The following PTPDC1 variants were observed in gnomAD, a reference collection of about 807,000 sequenced individuals.
The protein encoded by PTPDC1 is protein tyrosine phosphatase domain-containing protein 1.
In PTPDC1, 53 loss-of-function variants were observed where a neutral mutation model predicts 75.3. The observed-to-expected ratio is 0.70, with a 90% CI of 0.56 to 0.88. The LOEUF (loss-of-function observed/expected upper bound fraction) is 0.88, where lower values mean the gene tolerates loss of function less well. PTPDC1 is among the 40% of genes least tolerant of loss of function. The pLI, the probability that PTPDC1 is intolerant of heterozygous loss-of-function variation, is 0.00. For synonymous variants in PTPDC1, 349 were observed against 366.2 expected (o/e 0.95, Z 0.54); for missense variants, 925 against 998.6 (o/e 0.93, Z 0.99).
At position 94,098,120 on chromosome 9, in the gene PTPDC1, G is replaced by A. The variant is rs1827685199; in HGVS notation, c.1554G>A (p.Leu518=). The part of the protein sequence containing the change: ...SFWSQSKFGG[L]EGLKDNGSPI... ...GGAGTCAGTCAAAGTTTGGAGGCCT[G>A]GAAGGACTCAAAGATAATGGGTCAC... Residue 518 remains leucine, a synonymous_variant, in exon 6 of 9, where the codon CTG becomes CTA. Coordinates refer to ENST00000620992, the MANE Select transcript of PTPDC1 (RefSeq NM_001253829.2). 2 of 1,614,186 alleles carry A rather than the reference G, an allele frequency of 1.2e-6. No individual in the cohort carries two copies. The highest frequency in any genetic ancestry group is 2.2e-5 in the East Asian group (1 of 44,886).
intron 2 of PTPDC1, among the ~76,000 whole-genome samples, chr9:94,077,963 A>G (rs888325451): frequency 2.0e-5 from 3 of 152,202 alleles, no homozygotes; most frequent in Admixed American, 6.5e-5. Flanking sequence ...CCAAGACCAA[A>G]TATGTATTTC....
chr9:94,049,323 AT>A (rs1210728544), intron 1 of PTPDC1, among the ~76,000 whole-genome samples: 1 of 152,068 alleles, frequency 6.6e-6, no homozygotes, highest in African/African-American at 2.4e-5. Flanking sequence ...GGTCTTTACA[AT>A]TTGGCATGTT....
chr9:94,037,446 TC>T (rs1587834338), intron 1 of PTPDC1, among the ~76,000 whole-genome samples: 1 of 152,170 alleles, frequency 6.6e-6, no homozygotes, highest in Non-Finnish European at 1.5e-5. Context: ...ATTTTTCCAG[TC>T]TTTTATATGT....
intron 1 of PTPDC1, among the ~76,000 whole-genome samples, chr9:94,040,458 AT>A (rs1210341366): frequency 1.3e-5 from 2 of 152,180 alleles, no homozygotes; most frequent in Non-Finnish European, 2.9e-5. Flanking sequence ...AGCAGATTTA[AT>A]TTAATTCCAG....
rs1828111039 is a variant in PTPDC1 at position 94,108,820 on chromosome 9, G to A, written c.*876G>A. On this transcript the variant is annotated 3_prime_UTR_variant, in exon 9 of 9. Coordinates refer to ENST00000620992, the MANE Select transcript of PTPDC1 (RefSeq NM_001253829.2). ...CTCTGTCCTCCCGGGGACTCCACAG[G>A]GATATTCGTGCAGGGCAGGGGCTCT... The A allele has an allele frequency of 6.6e-6, 1 of 152,256 alleles. No homozygotes were observed. The highest frequency in any genetic ancestry group is 2.4e-5 in the African/African-American group (1 of 41,446). The allele number at this position is 152,256 out of a possible 1,614,324, so 9.4% of individuals were successfully genotyped here.
In PTPDC1 at chr9:94,108,619, T is replaced by G. The variant is rs943962325; in HGVS notation, c.*675T>G. The stretch of plus-strand genomic sequence containing the variant: ...TTGTAGAAAGTAGACTTGCTCTTTG[T>G]CAGATTTCCAAACAACCTTGCCAGC... On this transcript the variant is annotated 3_prime_UTR_variant, in exon 9 of 9. Coordinates refer to ENST00000620992, the MANE Select transcript of PTPDC1 (RefSeq NM_001253829.2). 1 of 152,238 alleles carries G rather than the reference T, an allele frequency of 6.6e-6. No individual in the cohort carries two copies. Among genetic ancestry groups the G allele is most frequent in the African/African-American group, 2.4e-5 (1 of 41,448 alleles). 9.4% of individuals were successfully genotyped at this position (152,238 alleles called of 1,614,324 possible). A position where few individuals can be genotyped will look rare whatever the true frequency, so the allele number is the denominator to read the frequency against.
upstream of PTPDC1, chr9:94,084,442 C>T (rs1048658830): frequency 4.5e-6 from 7 of 1,555,280 alleles, no homozygotes; most frequent in African/African-American, 2.7e-5. Context: ...TCATACAGAA[C>T]GATGCAATGC....
chr9:94,085,479 G>A, intron 2 of PTPDC1, 57 bp downstream of exon 2: 4 of 1,583,500 alleles, frequency 2.5e-6, no homozygotes, highest in Non-Finnish European at 2.6e-6. Context: ...GACACTCTGT[G>A]TGAGCCAGGA....
intron 1 of PTPDC1, among the ~76,000 whole-genome samples, chr9:94,043,010 T>A (rs1489719271): frequency 1.3e-5 from 2 of 152,210 alleles, no homozygotes; most frequent in African/African-American, 4.8e-5. Context: ...TTAGTCACAT[T>A]TTCAGCTCCA....
upstream of PTPDC1, chr9:94,084,437 C>T (rs1826988955): frequency 6.5e-7 from 1 of 1,543,788 alleles, no homozygotes; most frequent in African/African-American, 1.4e-5. Context: ...TTAGATCATA[C>T]AGAACGATGC....
chr9:94,033,346 T>A (rs1829763283), intron 1 of PTPDC1, among the ~76,000 whole-genome samples: 1 of 152,254 alleles, frequency 6.6e-6, no homozygotes, highest in Non-Finnish European at 1.5e-5. Context: ...AAAACATTTC[T>A]TTGCAATTAT....
chr9:94,085,502 G>A, intron 2 of PTPDC1, 80 bp downstream of exon 2: 1 of 1,487,980 alleles, frequency 6.7e-7, no homozygotes, highest in Non-Finnish European at 9.2e-7. Context: ...CCTGAAGTGT[G>A]GGAGGAGCAG....
rs149652242 is a variant in PTPDC1 at position 94,102,641 on chromosome 9, G to A, written c.2199+890G>A. Among the ~76,000 whole-genome samples the A allele has an allele frequency of 9.8e-4, 149 of 152,068 alleles. 4 individuals carry two copies. In the East Asian group the frequency reaches 0.027, roughly 28 times the overall value. ...GTTGCCCAGGCTGGAGTGCAATGGCGCGATCTCAGCTCACTGCAACCTCTG... is the reference window on the plus strand; with the variant it reads ...GTTGCCCAGGCTGGAGTGCAATGGCACGATCTCAGCTCACTGCAACCTCTG... On this transcript the variant is annotated intron_variant, in intron 7 of 8. Coordinates refer to ENST00000620992, the MANE Select transcript of PTPDC1 (RefSeq NM_001253829.2).
intron 1 of PTPDC1, among the ~76,000 whole-genome samples, chr9:94,056,876 T>C (rs552895277): frequency 6.6e-6 from 1 of 152,178 alleles, no homozygotes; most frequent in Admixed American, 6.5e-5. Context: ...GTCATTTGAG[T>C]GCTTTTAGGG....
At chr9:94,098,776 T>A (rs888124928) in intron 6 of PTPDC1, 197 bp downstream of exon 6, 2 of 597,316 alleles carry the variant, frequency 3.3e-6, no homozygotes, top group African/African-American at 3.7e-5. Flanking sequence ...TATGGTTTCA[T>A]TTAAATCTGC....
At chr9:94,072,868 T>A (rs896039690) in intron 2 of PTPDC1, among the ~76,000 whole-genome samples, 1 of 152,286 alleles carries the variant, frequency 6.6e-6, no homozygotes, top group South Asian at 2.1e-4. Flanking sequence ...CTATAATAAA[T>A]TTCATTTGGT....
chr9:94,036,351 T>C (rs933475178), intron 1 of PTPDC1, among the ~76,000 whole-genome samples: 2 of 152,164 alleles, frequency 1.3e-5, no homozygotes, highest in Non-Finnish European at 2.9e-5. Flanking sequence ...TTTTGAGTTA[T>C]ATAATTTTTG....
At chr9:94,049,556 G>T in intron 1 of PTPDC1, among the ~76,000 whole-genome samples, 1 of 152,166 alleles carries the variant, frequency 6.6e-6, no homozygotes, top group East Asian at 1.9e-4. Flanking sequence ...CTCTCTTCTG[G>T]CTTGTAGAGT....
At position 94,068,239 on chromosome 9, in the gene PTPDC1, C is replaced by T. The variant is rs891084588; in HGVS notation, c.82+3418C>T. The stretch of plus-strand genomic sequence containing the variant: ...AAGCACACAAAAGAACTCCTACATT[C>T]TGTTCACTCAGAGACCCCCATTCAA... On this transcript the variant is annotated intron_variant, in intron 2 of 9. Transcript: ENST00000375360. Among the ~76,000 whole-genome samples, 81 of 152,272 alleles carry T rather than the reference C, an allele frequency of 5.3e-4. 1 individual carries two copies. The highest frequency in any genetic ancestry group is 1.9e-3 in the African/African-American group (77 of 41,554).
Sources: gnomAD v4.1 joint callset for allele counts (sites outside exome capture counted in the v4.1 genomes callset) on GRCh38, gnomAD v4.1.1 for gene constraint, MANE v1.5 for transcripts, NCBI Gene and HGNC (gene_info 2026-07-23, HGNC 2026-07-21) for gene names.